Variants in BMPR1B observed in about 807,000 individuals in gnomAD.
The protein encoded by BMPR1B is bone morphogenetic protein receptor type-1B.
Under a neutral mutation model 59.1 loss-of-function variants are expected in BMPR1B, and 12 were observed. That is an observed-to-expected ratio of 0.20 (90% confidence interval 0.13 to 0.33). The LOEUF is 0.33. Among genes scored for constraint, BMPR1B ranks in the 10% least tolerant of loss-of-function variants. The pLI, the probability that BMPR1B is intolerant of heterozygous loss-of-function variation, is 1.00. For synonymous variants in BMPR1B, 237 were observed against 207.3 expected, an observed-to-expected ratio of 1.14 and a Z score of -1.23; for missense variants, 550 against 610.9, an observed-to-expected ratio of 0.90 and a Z score of 1.05.
intron 2 of BMPR1B, among the ~76,000 whole-genome samples, chr4:94,960,081 C>T (rs7694462): frequency 0.032 from 4,798 of 152,062 alleles, 238 homozygotes; most frequent in African/African-American, 0.11. Context: ...TAGAACTATC[C>T]GGGATGCTTT....
chr4:94,927,831 A>G (rs1728947723), intron 2 of BMPR1B, among the ~76,000 whole-genome samples: 1 of 152,158 alleles, frequency 6.6e-6, no homozygotes, highest in South Asian at 2.1e-4. Flanking sequence ...TTGCACAGAT[A>G]GAGATAGTAA....
intron 2 of BMPR1B, among the ~76,000 whole-genome samples, chr4:94,986,617 T>G (rs1721423418): frequency 1.3e-5 from 2 of 152,182 alleles, no homozygotes; most frequent in Non-Finnish European, 2.9e-5. Flanking sequence ...TCAGTCAGAA[T>G]GGCAAGTAGA....
At chr4:94,867,081 A>T (rs1726276464) in intron 1 of BMPR1B, among the ~76,000 whole-genome samples, 1 of 152,034 alleles carries the variant, frequency 6.6e-6, no homozygotes, top group South Asian at 2.1e-4. Flanking sequence ...TATTTATATG[A>T]CTTTCCCTTC....
At chr4:94,842,665 G>C (rs1725137174) in intron 1 of BMPR1B, among the ~76,000 whole-genome samples, 1 of 151,986 alleles carries the variant, frequency 6.6e-6, no homozygotes, top group South Asian at 2.1e-4. Flanking sequence ...TTTTTAACAT[G>C]CTTTGTACCC....
At chr4:94,864,912 T>C (rs996228403) in intron 1 of BMPR1B, among the ~76,000 whole-genome samples, 14 of 152,204 alleles carry the variant, frequency 9.2e-5, no homozygotes, top group Admixed American at 7.2e-4. Context: ...AACATTTTAA[T>C]AGTTTAGTGG....
intron 2 of BMPR1B, among the ~76,000 whole-genome samples, chr4:94,982,964 G>A (rs936929295): frequency 2.7e-5 from 4 of 149,562 alleles, no homozygotes; most frequent in African/African-American, 5.0e-5. Context: ...CAGCCTGGGC[G>A]ACAGAGCCAG....
chr4:95,091,517 C>T, intron 3 of BMPR1B: 2 of 985,344 alleles, frequency 2.0e-6, no homozygotes, highest in Non-Finnish European at 2.4e-6. Flanking sequence ...ATTAGTGCTG[C>T]CTACGGTGCT....
intron 2 of BMPR1B, among the ~76,000 whole-genome samples, chr4:94,988,072 T>C (rs1696905235): frequency 6.6e-6 from 1 of 152,160 alleles, no homozygotes; most frequent in Non-Finnish European, 1.5e-5. Context: ...TCCTTACCTG[T>C]AAGAAATCTC....
At chr4:95,151,295 T>C (rs1404975371) in intron 11 of BMPR1B, among the ~76,000 whole-genome samples, 3 of 152,196 alleles carry the variant, frequency 2.0e-5, no homozygotes, top group Non-Finnish European at 4.4e-5. Context: ...CTTCGTCTGT[T>C]GTAGTAGATA....
chr4:94,800,353 CAG>C (rs1165302062), intron 1 of BMPR1B, among the ~76,000 whole-genome samples: 2 of 151,762 alleles, frequency 1.3e-5, no homozygotes, highest in Non-Finnish European at 2.9e-5. Context: ...ATTGGTAAAA[CAG>C]GGATTGGTAA....
intron 2 of BMPR1B, among the ~76,000 whole-genome samples, chr4:94,937,654 A>G (rs1729364407): frequency 6.6e-6 from 1 of 151,356 alleles, no homozygotes; most frequent in African/African-American, 2.5e-5. Context: ...ACTACAACAT[A>G]TTGCAGAATA....
intron 3 of BMPR1B, among the ~76,000 whole-genome samples, chr4:95,094,623 C>T (rs1730233061): frequency 6.6e-6 from 1 of 152,102 alleles, no homozygotes; most frequent in African/African-American, 2.4e-5. Context: ...CCAGTGAGTA[C>T]TGCTACTCTC....
At chr4:95,116,667 G>T (rs942333445) in intron 6 of BMPR1B, among the ~76,000 whole-genome samples, 2 of 150,908 alleles carry the variant, frequency 1.3e-5, no homozygotes, top group South Asian at 2.1e-4. Context: ...CCAGGCTGGA[G>T]TGCATGGTGT....
At chr4:94,970,281 C>A (rs1007621934) in intron 2 of BMPR1B, among the ~76,000 whole-genome samples, 3 of 112,564 alleles carry the variant, frequency 2.7e-5, no homozygotes, top group African/African-American at 7.1e-5. Context: ...CTTCTCTTCT[C>A]TTCTCTTCTC....
At chr4:95,133,676 G>C (rs1733547938) in intron 10 of BMPR1B, among the ~76,000 whole-genome samples, 1 of 151,858 alleles carries the variant, frequency 6.6e-6, no homozygotes, top group Non-Finnish European at 1.5e-5. Flanking sequence ...GGCCCAAGCA[G>C]TCCTCCCACC....
chr4:94,887,227 C>T (rs1727204797), intron 2 of BMPR1B, among the ~76,000 whole-genome samples: 1 of 113,808 alleles, frequency 8.8e-6, no homozygotes, highest in Non-Finnish European at 1.8e-5. Flanking sequence ...TGGAATTTGC[C>T]AGATTGACCA....
intron 1 of BMPR1B, among the ~76,000 whole-genome samples, chr4:94,868,427 TCC>T (rs1470160004): frequency 6.6e-6 from 1 of 152,160 alleles, no homozygotes; most frequent in Non-Finnish European, 1.5e-5. Context: ...CACCTCGGCC[TCC>T]CAAAGTGCTG....
In BMPR1B at chr4:95,107,015, C is replaced by A. The variant is rs188952758; in HGVS notation, c.143+2448C>A. On this transcript the variant is annotated intron_variant, in intron 4 of 12. Coordinates refer to ENST00000515059, the MANE Select transcript of BMPR1B (RefSeq NM_001203.3). ...GGAGTAATCTTTTAAGGCTTCTGCT[C>A]ATATTGTGTCCTCTGACATTGAATT... Among the ~76,000 whole-genome samples, 651 of 151,970 alleles carry A rather than the reference C, an allele frequency of 4.3e-3. 5 individuals carry two copies. Among genetic ancestry groups the A allele is most frequent in the African/African-American group, 0.015 (613 of 41,458 alleles).
chr4:95,136,674 C>G (rs1169411179), intron 10 of BMPR1B, among the ~76,000 whole-genome samples: 1 of 152,064 alleles, frequency 6.6e-6, no homozygotes, highest in African/African-American at 2.4e-5. Flanking sequence ...TCCATTTCTT[C>G]TATTTTCTAG....
Sources: gnomAD v4.1 joint callset for allele counts (sites outside exome capture counted in the v4.1 genomes callset) on GRCh38, gnomAD v4.1.1 for gene constraint, MANE v1.5 for transcripts, NCBI Gene and HGNC (gene_info 2026-07-23, HGNC 2026-07-21) for gene names.